SPON1: variants seen among roughly 807,000 people sequenced by gnomAD.
SPON1 encodes the protein spondin 1.
Under a neutral mutation model 111.7 loss-of-function variants are expected in SPON1, and 52 were observed. The ratio of observed to expected loss-of-function variants is 0.47; its 90% confidence interval spans 0.37 to 0.59. The LOEUF (loss-of-function observed/expected upper bound fraction) is 0.59, where lower values mean the gene tolerates loss of function less well. SPON1 is among the 20% of genes least tolerant of loss of function. The pLI is 0.00. For synonymous variants in SPON1, 410 were observed against 395.8 expected (o/e 1.04, Z -0.43); for missense variants, 957 against 1,068.5 (o/e 0.90, Z 1.46).
intron 2 of SPON1, among the ~76,000 whole-genome samples, chr11:13,990,371 T>C (rs1261258218): frequency 9.1e-6 from 1 of 109,750 alleles, no homozygotes; most frequent in African/African-American, 3.4e-5. Flanking sequence ...TTGCAACTCC[T>C]GCTTTTTTTT....
chr11:14,113,806 G>C (rs1240621684), intron 5 of SPON1, among the ~76,000 whole-genome samples: 1 of 151,398 alleles, frequency 6.6e-6, no homozygotes, highest in Non-Finnish European at 1.5e-5. Context: ...GGGTTTCACT[G>C]TGTTAGCCAG....
At chr11:14,174,502 A>T (rs932860821) in intron 6 of SPON1, among the ~76,000 whole-genome samples, 1 of 152,144 alleles carries the variant, frequency 6.6e-6, no homozygotes, top group Admixed American at 6.5e-5. Context: ...AGAGGGATTT[A>T]TCTGCTTTTA....
intron 5 of SPON1, among the ~76,000 whole-genome samples, chr11:14,090,687 A>G (rs893825784): frequency 4.6e-5 from 7 of 152,036 alleles, no homozygotes; most frequent in African/African-American, 1.7e-4. Flanking sequence ...GTTACAGCTC[A>G]TAAAAGCAGC....
intron 6 of SPON1, among the ~76,000 whole-genome samples, chr11:14,187,199 ACTCATTAC>A (rs1295041547): frequency 6.6e-6 from 1 of 152,136 alleles, no homozygotes; most frequent in Non-Finnish European, 1.5e-5. Flanking sequence ...GTGAGAACTC[ACTCATTAC>A]CTCAGGGAAG....
At chr11:14,003,428 G>T (rs1554912691) in intron 2 of SPON1, among the ~76,000 whole-genome samples, 2 of 152,158 alleles carry the variant, frequency 1.3e-5, no homozygotes, top group Admixed American at 1.3e-4. Context: ...TTTTATGAGG[G>T]TTTAAGGAGT....
At chr11:13,963,291 C>T in intron 1 of SPON1, 149 bp downstream of exon 1, 2 of 576,122 alleles carry the variant, frequency 3.5e-6, no homozygotes, top group Non-Finnish European at 5.8e-6. Flanking sequence ...CTGCCCTCGG[C>T]CCTTGCAGTC....
chr11:14,013,508 A>G (rs190201716), intron 2 of SPON1, among the ~76,000 whole-genome samples: 5 of 152,298 alleles, frequency 3.3e-5, no homozygotes, highest in East Asian at 1.9e-4. Flanking sequence ...ATTTCCCCCA[A>G]TTCTCTAACT....
chr11:14,120,306 C>G (rs1564909441), intron 5 of SPON1, among the ~76,000 whole-genome samples: 1 of 152,098 alleles, frequency 6.6e-6, no homozygotes, highest in Admixed American at 6.5e-5. Flanking sequence ...TGATTCAGGC[C>G]CTGGGTCCCT....
rs782467979 is a variant in SPON1 at position 14,088,862 on chromosome 11, G to A, written c.676+8841G>A. ...TTCTTTTTTCTCTAATCTAGTCCTCGTGCCTTATTTTGGTAAGTTGATCTT... is the reference window on the plus strand; with the variant it reads ...TTCTTTTTTCTCTAATCTAGTCCTCATGCCTTATTTTGGTAAGTTGATCTT... On this transcript the variant is annotated intron_variant, in intron 5 of 15. Coordinates refer to ENST00000576479, the MANE Select transcript of SPON1 (RefSeq NM_006108.4). 5.3e-5 allele frequency among the ~76,000 whole-genome samples: 8 copies of A among 151,220 alleles called. No individual in the cohort carries two copies. In the East Asian group the frequency reaches 5.8e-4, roughly 11 times the overall value.
Position 14,260,609 on chromosome 11 carries a change from C to A in SPON1, c.1853C>A (p.Ser618Tyr). 1 of 1,613,784 alleles carries A rather than the reference C, an allele frequency of 6.2e-7. No individual in the cohort carries two copies. The highest frequency in any genetic ancestry group is 8.5e-7 in the Non-Finnish European group (1 of 1,179,774). The change falls in exon 14 of 16, where the codon TCC (serine) becomes TAC (tyrosine). Residue 618 changes from serine to tyrosine, a missense_variant. By Grantham distance (144) the Ser-to-Tyr change is moderately radical. This residue lies in a region of SPON1 where 549 missense variants were observed against 606.2 expected (regional missense o/e 0.91). Coordinates refer to ENST00000576479, the MANE Select transcript of SPON1 (RefSeq NM_006108.4). ...CTAGACACCATCCCATGCTTGCTGT[C>A]CCCATGGTCCGAGTGGAGTGACTGC... ...PECHTIPCLL[S>Y]PWSEWSDCSV...
chr11:14,036,103 A>C (rs1554916601), intron 2 of SPON1, among the ~76,000 whole-genome samples: 1 of 152,210 alleles, frequency 6.6e-6, no homozygotes, highest in East Asian at 1.9e-4. Context: ...ATGTGAGGCT[A>C]GAGGCAGGGA....
chr11:14,230,753 TTCTC>T (rs1178524657), intron 6 of SPON1, among the ~76,000 whole-genome samples: 1 of 138,830 alleles, frequency 7.2e-6, no homozygotes, highest in Non-Finnish European at 1.5e-5. Flanking sequence ...CCATTTTTCT[TTCTC>T]TCTCTCTTTC....
intron 6 of SPON1, among the ~76,000 whole-genome samples, chr11:14,138,699 C>T (rs571220146): frequency 8.5e-5 from 13 of 152,106 alleles, no homozygotes; most frequent in Non-Finnish European, 1.2e-4. Flanking sequence ...TATGAATACT[C>T]GTTATGAAAA....
chr11:14,187,188 G>A (rs973938473), intron 6 of SPON1, among the ~76,000 whole-genome samples: 5 of 152,114 alleles, frequency 3.3e-5, no homozygotes, highest in Admixed American at 3.3e-4. Context: ...GAACTAATAA[G>A]GTGAGAACTC....
chr11:14,222,701 C>T (rs1554937705), intron 6 of SPON1, among the ~76,000 whole-genome samples: 1 of 152,180 alleles, frequency 6.6e-6, no homozygotes, highest in Non-Finnish European at 1.5e-5. Context: ...TAAGGTTGCC[C>T]TCTCCTTTCC....
At position 14,220,786 on chromosome 11, in the gene SPON1, T is replaced by C. The variant is rs150793573; in HGVS notation, c.826-22546T>C. ...GTTATTAGTTTAATTGAATAATATC[T>C]GGATCATACTGGTGGTAATGTTAAT... On this transcript the variant is annotated intron_variant, in intron 6 of 15. Coordinates refer to ENST00000576479, the MANE Select transcript of SPON1 (RefSeq NM_006108.4). Among the ~76,000 whole-genome samples, 6 of 152,336 alleles carry C rather than the reference T, an allele frequency of 3.9e-5. No individual in the cohort carries two copies. In the East Asian group the frequency reaches 1.2e-3, roughly 29 times the overall value.
At chr11:14,231,933 T>G (rs140880075) in intron 6 of SPON1, among the ~76,000 whole-genome samples, 5 of 39,426 alleles carry the variant, frequency 1.3e-4, no homozygotes, top group Non-Finnish European at 2.3e-4. Context: ...GATGGTGGGA[T>G]TATAGGGTCA....
At chr11:14,243,932 G>A (rs1848959039) in intron 7 of SPON1, among the ~76,000 whole-genome samples, 1 of 152,156 alleles carries the variant, frequency 6.6e-6, no homozygotes, top group South Asian at 2.1e-4. Context: ...CAGGTTTTTG[G>A]ACAGCTCTCC....
intron 6 of SPON1, among the ~76,000 whole-genome samples, chr11:14,227,128 G>A (rs370408385): frequency 2.0e-5 from 3 of 152,104 alleles, no homozygotes; most frequent in Admixed American, 6.5e-5. Context: ...TTGGGGGGCC[G>A]TTACTCAGCT....
Sources: gnomAD v4.1 joint callset for allele counts (sites outside exome capture counted in the v4.1 genomes callset) on GRCh38, gnomAD v4.1.1 for gene constraint, gnomAD v4.1.1 regional missense constraint, MANE v1.5 for transcripts, NCBI Gene and HGNC (gene_info 2026-07-23, HGNC 2026-07-21) for gene names.